The following ADGRL3 variants were observed in gnomAD, a reference collection of about 807,000 sequenced individuals.
ADGRL3 encodes the protein adhesion G protein-coupled receptor L3.
ADGRL3 carries 62 observed loss-of-function variants against 153.5 expected under a neutral mutation model. That is an observed-to-expected ratio of 0.40 (90% CI 0.33 to 0.50). The LOEUF (loss-of-function observed/expected upper bound fraction) is 0.50, where lower values mean the gene tolerates loss of function less well. Ranked by LOEUF, ADGRL3 falls within the 20% of genes least tolerant of loss-of-function variation. ADGRL3 has a pLI of 0.47. For missense variants in ADGRL3, 1,641 were observed against 1,859.4 expected (o/e 0.88, Z 2.16); for synonymous variants, 710 against 672.5 (o/e 1.06, Z -0.86).
At chr4:62,024,799 A>C (rs2151427174) in intron 21 of ADGRL3, among the ~76,000 whole-genome samples, 1 of 151,956 alleles carries the variant, frequency 6.6e-6, no homozygotes, top group Admixed American at 6.6e-5. Context: ...GTGTGGTGGT[A>C]TGCGCCTGTA....
At chr4:61,810,584 C>A (rs1177798707) in intron 8 of ADGRL3, among the ~76,000 whole-genome samples, 1 of 151,938 alleles carries the variant, frequency 6.6e-6, no homozygotes, top group Non-Finnish European at 1.5e-5. Context: ...CACAGGGTTT[C>A]TCAATAAAAT....
At chr4:61,732,295 T>A (rs1647068039) in intron 7 of ADGRL3, among the ~76,000 whole-genome samples, 1 of 152,160 alleles carries the variant, frequency 6.6e-6, no homozygotes, top group Non-Finnish European at 1.5e-5. Flanking sequence ...AAAATTACTA[T>A]GAGATATTCA....
chr4:61,303,463 T>G (rs920413046), intron 1 of ADGRL3, among the ~76,000 whole-genome samples: 1 of 152,132 alleles, frequency 6.6e-6, no homozygotes, highest in Non-Finnish European at 1.5e-5. Context: ...TGCCAGGTTT[T>G]TTTTTTTCTT....
chr4:61,230,955 G>A lies in ADGRL3; in HGVS notation c.-240+29190G>A, dbSNP rs567916589. ...CCACAGTTTGTCAGGTTTTTGTCCC[G>A]TGCAAGCATCTAGTCCAAGCAGGAC... On this transcript the variant is annotated intron_variant, in intron 1 of 26. Coordinates refer to ENST00000683033, the MANE Select transcript of ADGRL3 (RefSeq NM_001387552.1). Among the ~76,000 whole-genome samples, 7 of 152,256 alleles carry A rather than the reference G, an allele frequency of 4.6e-5. No homozygotes were observed. The South Asian group carries it at 6.2e-4, about 14-fold the overall frequency.
intron 1 of ADGRL3, among the ~76,000 whole-genome samples, chr4:61,235,489 G>T (rs964869685): frequency 6.6e-6 from 1 of 152,160 alleles, no homozygotes; most frequent in Non-Finnish European, 1.5e-5. Flanking sequence ...GCTTACAGAA[G>T]TGAGAAAGAA....
At chr4:61,556,065 T>G (rs1035539583) in intron 4 of ADGRL3, among the ~76,000 whole-genome samples, 2 of 152,172 alleles carry the variant, frequency 1.3e-5, no homozygotes, top group Non-Finnish European at 2.9e-5. Context: ...GGTCTCAGCC[T>G]TATTTGTCCA....
chr4:61,818,970 A>G (rs2097719891), intron 9 of ADGRL3, among the ~76,000 whole-genome samples: 1 of 152,210 alleles, frequency 6.6e-6, no homozygotes, highest in African/African-American at 2.4e-5. Flanking sequence ...TCTTAAGATT[A>G]TCTTATATTT....
chr4:61,467,840 C>T (rs910171484), intron 2 of ADGRL3, among the ~76,000 whole-genome samples: 1 of 152,042 alleles, frequency 6.6e-6, no homozygotes, highest in Non-Finnish European at 1.5e-5. Context: ...TGTTACTATC[C>T]TTATAAAATA....
At chr4:61,925,612 C>T (rs927250064) in intron 13 of ADGRL3, among the ~76,000 whole-genome samples, 3 of 152,068 alleles carry the variant, frequency 2.0e-5, no homozygotes, top group African/African-American at 7.2e-5. Context: ...GCCGCCATAT[C>T]ACATTGCAAA....
At chr4:61,239,136 A>AT (rs1265077795) in intron 1 of ADGRL3, among the ~76,000 whole-genome samples, 3 of 152,092 alleles carry the variant, frequency 2.0e-5, no homozygotes, top group Non-Finnish European at 4.4e-5. Context: ...GGCTGTTTTA[A>AT]TTTTTTGTTT....
At position 61,958,377 on chromosome 4, in the gene ADGRL3, G is replaced by GTTCTTTCTTTC. The variant is rs1553894040; in HGVS notation, c.2805+10103_2805+10104insCTTTCTTTCTT. Among the ~76,000 whole-genome samples, 676 of 148,168 alleles carry GTTCTTTCTTTC rather than the reference G, an allele frequency of 4.6e-3. 1 individual carries two copies. The highest frequency in any genetic ancestry group is 0.013 in the South Asian group (60 of 4,642). On this transcript the variant is annotated intron_variant, in intron 17 of 26. Transcript: ENST00000683033. ...GTTTATTAATGCTAATGTTGTAAAG[G>GTTCTTTCTTTC]TTTCTTTCTTTCTTTCTTTCTTTCT...
At chr4:62,052,445 C>A (rs528255780) in intron 25 of ADGRL3, among the ~76,000 whole-genome samples, 1 of 151,382 alleles carries the variant, frequency 6.6e-6, no homozygotes, top group African/African-American at 2.4e-5. Context: ...AGAGTGGATT[C>A]TTCCTATCCG....
chr4:61,744,076 G>A (rs774873336), intron 8 of ADGRL3, among the ~76,000 whole-genome samples: 125 of 152,276 alleles, frequency 8.2e-4, no homozygotes, highest in Middle Eastern at 6.8e-3. Context: ...CACCTGGCTC[G>A]GAGGGTCCTA....
exon 27 of ADGRL3, chr4:62,078,330 CAAG>C (rs1747809068): frequency 6.6e-6 from 1 of 151,254 alleles, no homozygotes; most frequent in Non-Finnish European, 1.5e-5. Context: ...TATCAGTAAA[CAAG>C]AAGTGATGTA....
At chr4:61,895,052 GT>G (rs1392966282) in intron 10 of ADGRL3, among the ~76,000 whole-genome samples, 2 of 151,842 alleles carry the variant, frequency 1.3e-5, no homozygotes, top group Admixed American at 1.3e-4. Context: ...TTTCCACCTT[GT>G]TTTTTTTCTG....
intron 4 of ADGRL3, among the ~76,000 whole-genome samples, chr4:61,532,890 A>G (rs1163273602): frequency 6.6e-6 from 1 of 152,086 alleles, no homozygotes; most frequent in Non-Finnish European, 1.5e-5. Context: ...GTGGGATTAG[A>G]GAAACTGTAG....
At chr4:61,918,916 C>G (rs908654313) in intron 13 of ADGRL3, among the ~76,000 whole-genome samples, 1 of 152,158 alleles carries the variant, frequency 6.6e-6, no homozygotes, top group Non-Finnish European at 1.5e-5. Context: ...GTTTTACTTG[C>G]GTGCCTTTGG....
In ADGRL3 at chr4:61,362,583, T is replaced by G. The variant is rs369507413; in HGVS notation, c.-239-20541T>G. Among the ~76,000 whole-genome samples, 6 of 152,198 alleles carry G rather than the reference T, an allele frequency of 3.9e-5. No homozygotes were observed. In the East Asian group the frequency reaches 7.7e-4, roughly 20 times the overall value. On this transcript the variant is annotated intron_variant, in intron 1 of 26. Transcript: ENST00000683033. Reference sequence around the variant, plus strand: ...TGTATATTGTATTCTGAAAGTAAGCTGAAGAAAAGAAAGTGTTATTAAGAA... The same window carrying G: ...TGTATATTGTATTCTGAAAGTAAGCGGAAGAAAAGAAAGTGTTATTAAGAA...
At chr4:61,760,997 A>T (rs115015439) in intron 8 of ADGRL3, among the ~76,000 whole-genome samples, 56 of 152,252 alleles carry the variant, frequency 3.7e-4, no homozygotes, top group African/African-American at 1.3e-3. Flanking sequence ...TAGGTAGGAG[A>T]TGAAATCATA....
Sources: gnomAD v4.1 joint callset for allele counts (sites outside exome capture counted in the v4.1 genomes callset) on GRCh38, gnomAD v4.1.1 for gene constraint, MANE v1.5 for transcripts, NCBI Gene and HGNC (gene_info 2026-07-23, HGNC 2026-07-21) for gene names.